Variants in LRCH1 observed in about 807,000 individuals in gnomAD.
LRCH1 encodes leucine-rich repeat and calponin homology domain-containing protein 1.
Under a neutral mutation model 94.9 loss-of-function variants are expected in LRCH1, and 23 were observed. The ratio of observed to expected loss-of-function variants is 0.24; its 90% CI spans 0.17 to 0.34. The LOEUF (loss-of-function observed/expected upper bound fraction) is 0.34. LRCH1 is among the 10% of genes least tolerant of loss of function. LRCH1 has a pLI of 1.00. For synonymous variants in LRCH1, 364 were observed against 354.9 expected, an observed-to-expected ratio of 1.03 and a Z score of -0.29; for missense variants, 790 against 945.9, an observed-to-expected ratio of 0.84 and a Z score of 2.16.
In LRCH1 at chr13:46,654,079, G is replaced by C. The variant is rs112558940; in HGVS notation, c.452+3734G>C. ...CTGTGAAACAGTGACTGTCACATTT[G>C]TTTACTTCCAAATATGTAATTGTAT... is the stretch of plus-strand genomic sequence containing the variant. On this transcript the variant is annotated intron_variant, in intron 2 of 19. Coordinates refer to ENST00000389797, the MANE Select transcript of LRCH1 (RefSeq NM_001164211.2). 2.1e-3 allele frequency among the ~76,000 whole-genome samples: 315 copies of C among 152,290 alleles called. 1 individual carries two copies. The highest frequency in any genetic ancestry group is 7.2e-3 in the African/African-American group (298 of 41,560).
At chr13:46,617,064 A>G (rs535560090) in intron 1 of LRCH1, among the ~76,000 whole-genome samples, 2 of 152,328 alleles carry the variant, frequency 1.3e-5, no homozygotes, top group African/African-American at 4.8e-5. Context: ...CAGTTACTTC[A>G]GGCCATCTGG....
intron 10 of LRCH1, among the ~76,000 whole-genome samples, chr13:46,700,173 T>G (rs1871391792): frequency 6.6e-6 from 1 of 152,172 alleles, no homozygotes; most frequent in East Asian, 1.9e-4. Flanking sequence ...AGAGTATAGT[T>G]TTTGTTCCCA....
chr13:46,568,622 A>G (rs2050210056), intron 1 of LRCH1, among the ~76,000 whole-genome samples: 1 of 152,228 alleles, frequency 6.6e-6, no homozygotes, highest in African/African-American at 2.4e-5. Context: ...AAAATTACAA[A>G]ATATTGCATA....
intron 1 of LRCH1, among the ~76,000 whole-genome samples, chr13:46,587,838 A>G (rs576382907): frequency 1.2e-4 from 18 of 152,188 alleles, no homozygotes; most frequent in Non-Finnish European, 2.1e-4. Flanking sequence ...AACAGTGAAA[A>G]TTCATATAGC....
intron 1 of LRCH1, among the ~76,000 whole-genome samples, chr13:46,581,270 CT>C (rs2050362068): frequency 6.6e-6 from 1 of 152,180 alleles, no homozygotes. Context: ...CCTCAGCCCC[CT>C]AGACCTCTGT....
chr13:46,677,255 C>CAAAAAAAAAAA (rs67827727), intron 3 of LRCH1, among the ~76,000 whole-genome samples: 49 of 98,004 alleles, frequency 5.0e-4, no homozygotes, highest in Admixed American at 1.6e-3. Flanking sequence ...ACTAAAAATA[C>CAAAAAAAAAAA]AAAAAAAAAA....
intron 10 of LRCH1, 64 bp from the exon 11 acceptor site, chr13:46,701,057 G>A: frequency 1.0e-6 from 1 of 998,984 alleles, no homozygotes; most frequent in Non-Finnish European, 1.5e-6. Flanking sequence ...TGCTTTTTAA[G>A]AAATTAGATG....
chr13:46,607,604 C>T (rs900665601), intron 1 of LRCH1, among the ~76,000 whole-genome samples: 1 of 151,526 alleles, frequency 6.6e-6, no homozygotes, highest in Admixed American at 6.6e-5. Context: ...TTCTCCTTCT[C>T]CTTCTCCTTC....
In LRCH1 at chr13:46,553,383, G is replaced by A. The variant is rs746564803; in HGVS notation, c.-14G>A. 2.6e-6 allele frequency: 4 copies of A among 1,520,688 alleles called. No individual in the cohort carries two copies. In the East Asian group the frequency reaches 7.4e-5, roughly 28 times the overall value. The allele number at this position is 1,520,688 out of a possible 1,614,324, so 94.2% of individuals were successfully genotyped here. ...GCAGGAGCGGCGGGGCGGGGTGGGGGGGCCCGGGAGAAGATGGCGACGCCG... is the reference window on the plus strand; with the variant it reads ...GCAGGAGCGGCGGGGCGGGGTGGGGAGGCCCGGGAGAAGATGGCGACGCCG... On this transcript the variant is annotated 5_prime_UTR_variant, in exon 1 of 20. Coordinates refer to ENST00000389797, the MANE Select transcript of LRCH1 (RefSeq NM_001164211.2).
At position 46,657,473 on chromosome 13, in the gene LRCH1, TTTCA is replaced by T. The variant is rs1187878430; in HGVS notation, c.452+7131_452+7134del. Among the ~76,000 whole-genome samples the T allele has an allele frequency of 2.1e-5, 3 of 146,094 alleles. No individual in the cohort carries two copies. In the South Asian group the frequency reaches 6.5e-4, roughly 32 times the overall value. On this transcript the variant is annotated intron_variant, in intron 2 of 19. Coordinates refer to ENST00000389797, the MANE Select transcript of LRCH1 (RefSeq NM_001164211.2). ...CACCACTTTTTTTCTTTCTTTCTTCTTTCATTTTTACTTTTTCTTTTCTTTTCTT... is the reference window on the plus strand; with the variant it reads ...CACCACTTTTTTTCTTTCTTTCTTCTTTTTTACTTTTTCTTTTCTTTTCTT...
chr13:46,553,661 AC>A lies in LRCH1; in HGVS notation c.267del (p.Ala90GlnfsTer56). ...CAGGAAATTGAAGGAATTTCCCCGT[AC>A]CGCAGCCCCCGGGCACGACCTCTCG... is the stretch of plus-strand genomic sequence containing the variant. ...SARKLKEFPR[T>X]AAPGHDLSDT... On this transcript the variant is annotated frameshift_variant, in exon 1 of 20. Coordinates refer to ENST00000389797, the MANE Select transcript of LRCH1 (RefSeq NM_001164211.2). LOFTEE classifies it high-confidence loss of function. 6.2e-7 allele frequency: 1 copy of A among 1,609,320 alleles called. No individual in the cohort carries two copies. Among genetic ancestry groups the A allele is most frequent in the Non-Finnish European group, 8.5e-7 (1 of 1,178,780 alleles).
chr13:46,597,177 C>T (rs969709501), intron 1 of LRCH1, among the ~76,000 whole-genome samples: 2 of 152,166 alleles, frequency 1.3e-5, no homozygotes, highest in African/African-American at 2.4e-5. Context: ...TCAAGGTACA[C>T]GTACCCGGTG....
At chr13:46,619,236 G>A (rs941035687) in intron 1 of LRCH1, among the ~76,000 whole-genome samples, 1 of 151,832 alleles carries the variant, frequency 6.6e-6, no homozygotes, top group South Asian at 2.1e-4. Context: ...CAGCCTCCCT[G>A]AGTAGCTGGG....
At chr13:46,696,343 T>C (rs755461676) in intron 9 of LRCH1, among the ~76,000 whole-genome samples, 1 of 152,252 alleles carries the variant, frequency 6.6e-6, no homozygotes, top group Non-Finnish European at 1.5e-5. Flanking sequence ...CTATCAGCTC[T>C]GTGGGACGAT....
At chr13:46,750,205 A>G (rs2794662) in intron 18 of LRCH1, among the ~76,000 whole-genome samples, 5,322 of 152,270 alleles carry the variant, frequency 0.035, 228 homozygotes, top group East Asian at 0.12. Flanking sequence ...CTTTATAAAA[A>G]TAGAAGCTAT....
chr13:46,684,299 C>T (rs1392742182), intron 4 of LRCH1, among the ~76,000 whole-genome samples: 2 of 150,612 alleles, frequency 1.3e-5, no homozygotes, highest in African/African-American at 2.4e-5. Context: ...TTTTCTCCTT[C>T]GTTTTATTGT....
At chr13:46,605,128 C>T (rs888637129) in intron 1 of LRCH1, among the ~76,000 whole-genome samples, 1 of 152,210 alleles carries the variant, frequency 6.6e-6, no homozygotes, top group African/African-American at 2.4e-5. Context: ...TTGAAATAAT[C>T]GTCACCTGTC....
chr13:46,676,020 T>C (rs1199567898), intron 3 of LRCH1, among the ~76,000 whole-genome samples: 1 of 152,234 alleles, frequency 6.6e-6, no homozygotes, highest in East Asian at 1.9e-4. Context: ...GGCTCATGCC[T>C]GTAATCCCAG....
rs34512042 is a variant in LRCH1, at chr13:46,731,124, CTT to C, written c.2007+2156_2007+2157del. Among the ~76,000 whole-genome samples the C allele has an allele frequency of 2.6e-3, 330 of 127,816 alleles. 2 individuals carry two copies. The highest frequency in any genetic ancestry group is 2.7e-3 in the Non-Finnish European group (164 of 59,874). The allele number at this position is 127,816 out of a possible 152,430, so 83.9% of individuals were successfully genotyped here. On this transcript the variant is annotated intron_variant, in intron 18 of 19. Coordinates refer to ENST00000389797, the MANE Select transcript of LRCH1 (RefSeq NM_001164211.2). ...ACCATTATGTCTTCTTTACTATAAGCTTTTTTTTTTTTTTTTTGGTAAAATTA... is the reference window on the plus strand; with the variant it reads ...ACCATTATGTCTTCTTTACTATAAGCTTTTTTTTTTTTTTTGGTAAAATTA...
Sources: gnomAD v4.1 joint callset for allele counts (sites outside exome capture counted in the v4.1 genomes callset) on GRCh38, gnomAD v4.1.1 for gene constraint, MANE v1.5 for transcripts, NCBI Gene and HGNC (gene_info 2026-07-23, HGNC 2026-07-21) for gene names.